The following IMPG2 variants were observed in gnomAD, a reference collection of about 807,000 sequenced individuals.
IMPG2 encodes the protein interphotoreceptor matrix proteoglycan 2.
IMPG2 carries 91 observed loss-of-function variants against 129.2 expected under a neutral mutation model. The observed-to-expected ratio is 0.70, with a 90% confidence interval of 0.59 to 0.84. The LOEUF is 0.84. Among genes scored for constraint, IMPG2 ranks in the 40% least tolerant of loss-of-function variants. The pLI is 0.00. For missense variants in IMPG2, 1,430 were observed against 1,461.7 expected, an observed-to-expected ratio of 0.98 and a Z score of 0.35; for synonymous variants, 510 against 517.7, an observed-to-expected ratio of 0.99 and a Z score of 0.20.
chr3:101,302,534 G>A (rs990586194), intron 3 of IMPG2, among the ~76,000 whole-genome samples: 4 of 152,038 alleles, frequency 2.6e-5, no homozygotes, highest in Admixed American at 1.3e-4. Context: ...AACTGGGTTT[G>A]GATTTAAGCT....
chr3:101,291,569 A>G (rs558174934), intron 3 of IMPG2, 59 bp from the exon 4 acceptor site: 1 of 1,325,914 alleles, frequency 7.5e-7, no homozygotes, highest in South Asian at 1.2e-5. Context: ...AGGAGTAAAT[A>G]AAACTTATTT....
intron 9 of IMPG2, among the ~76,000 whole-genome samples, chr3:101,265,325 G>A (rs926366540): frequency 6.6e-6 from 1 of 152,100 alleles, no homozygotes; most frequent in Admixed American, 6.5e-5. Flanking sequence ...CATCAAAACA[G>A]CCTGGTACTA....
Position 101,226,150 on chromosome 3 carries a change from T to C in IMPG2, c.*819A>G, listed in dbSNP as rs1472987344. On this transcript the variant is annotated 3_prime_UTR_variant, in exon 19 of 19. Transcript: ENST00000193391. The stretch of plus-strand genomic sequence containing the variant: ...ACAAAATATATTCTCAGCACTGGGG[T>C]CTTGACCCGACACTCACTCCCTCCC... 2 of 148,942 alleles carry C rather than the reference T, an allele frequency of 1.3e-5. No homozygotes were observed. The highest frequency in any genetic ancestry group is 5.1e-5 in the African/African-American group (2 of 39,272). The allele number at this position is 148,942 out of a possible 1,614,324, so 9.2% of individuals were successfully genotyped here.
rs1376379755 is a variant in IMPG2, at chr3:101,304,187, T to C, written c.460A>G (p.Asn154Asp). ...CTATGTTCCACAGATTCACTAAAAT[T>C]TGTGCCCATTTCAAATATACTTGTG... ...GVTSIFEMGT[N>D]FSESVEHRSL... Residue 154 changes from asparagine to aspartate, a missense_variant, in exon 3 of 19, where the codon AAT (asparagine) becomes GAT (aspartate). Transcript: ENST00000193391. 1 of 1,613,760 alleles carries C rather than the reference T, an allele frequency of 6.2e-7. No homozygotes were observed. The highest frequency in any genetic ancestry group is 8.5e-7 in the Non-Finnish European group (1 of 1,179,768).
chr3:101,289,658 T>C (rs78095912), intron 4 of IMPG2, among the ~76,000 whole-genome samples: 1 of 152,034 alleles, frequency 6.6e-6, no homozygotes, highest in Non-Finnish European at 1.5e-5. Flanking sequence ...TTGCGGGTCA[T>C]GTTAATTTTG....
At position 101,243,612 on chromosome 3, in the gene IMPG2, C is replaced by T. The variant is rs758366596; in HGVS notation, c.2719G>A (p.Val907Met). 2 of 1,613,760 alleles carry T rather than the reference C, an allele frequency of 1.2e-6. No homozygotes were observed. Among genetic ancestry groups the T allele is most frequent in the African/African-American group, 2.7e-5 (2 of 74,926 alleles). The stretch of plus-strand genomic sequence containing the variant: ...TCTTCTGAAAACATCATGTTAGTCA[C>T]TCGGAGGCTGAAGAAAACCACCAAA... Reference protein sequence around the residue: ...GALVVFFSLRVTNMMFSEDLF... With the variant: ...GALVVFFSLRMTNMMFSEDLF... The change falls in exon 13 of 19, where the codon GTG becomes ATG. Residue 907 changes from valine (V) to methionine (M), a missense_variant. Transcript: ENST00000193391.
intron 7 of IMPG2, among the ~76,000 whole-genome samples, chr3:101,272,471 G>C (rs1399559745): frequency 1.3e-5 from 2 of 152,198 alleles, no homozygotes; most frequent in Non-Finnish European, 2.9e-5. Flanking sequence ...CCTTGATGAA[G>C]ATATTTTTCA....
At chr3:101,303,412 C>T (rs1176759013) in intron 3 of IMPG2, among the ~76,000 whole-genome samples, 3 of 152,070 alleles carry the variant, frequency 2.0e-5, no homozygotes, top group Non-Finnish European at 2.9e-5. Flanking sequence ...ATAATGGTAG[C>T]TAAATCTTCT....
rs1706843309 is a variant in IMPG2 at position 101,276,650 on chromosome 3, AC to A, written c.583+13del. ...AATTTTAAAAGAAAAGTGAATGAAGACACAAAAGTATACCTCCCAATGTTGA... is the reference window on the plus strand; with the variant it reads ...AATTTTAAAAGAAAAGTGAATGAAGAACAAAAGTATACCTCCCAATGTTGA... On this transcript the variant is annotated intron_variant, in intron 5 of 18. Transcript: ENST00000193391. The A allele has an allele frequency of 6.4e-7, 1 of 1,567,564 alleles. No individual in the cohort carries two copies. The highest frequency in any genetic ancestry group is 1.4e-5 in the African/African-American group (1 of 73,956).
At chr3:101,285,536 T>C (rs758021624) in intron 4 of IMPG2, among the ~76,000 whole-genome samples, 13 of 152,214 alleles carry the variant, frequency 8.5e-5, no homozygotes, top group Non-Finnish European at 1.6e-4. Flanking sequence ...ATCTCTCCTG[T>C]CTACAGCTCT....
chr3:101,295,121 T>G (rs1707065397), intron 3 of IMPG2, among the ~76,000 whole-genome samples: 1 of 152,242 alleles, frequency 6.6e-6, no homozygotes, highest in Non-Finnish European at 1.5e-5. Flanking sequence ...TTGCTGCTAT[T>G]GCTTTTAGCA....
intron 18 of IMPG2, among the ~76,000 whole-genome samples, chr3:101,227,462 A>C (rs756315306): frequency 3.9e-5 from 6 of 152,212 alleles, no homozygotes; most frequent in Non-Finnish European, 5.9e-5. Flanking sequence ...GCCTATTCCT[A>C]TAAGGCTCTC....
At chr3:101,272,311 T>C (rs568804765) in intron 7 of IMPG2, among the ~76,000 whole-genome samples, 1 of 152,270 alleles carries the variant, frequency 6.6e-6, no homozygotes, top group East Asian at 1.9e-4. Flanking sequence ...CTGCCTCTGC[T>C]GTTTCATGCA....
chr3:101,315,908 G>GCTATAAT lies in IMPG2; in HGVS notation c.334+3675_334+3676insATTATAG, dbSNP rs1194395355. 7.1e-3 allele frequency among the ~76,000 whole-genome samples: 1,079 copies of GCTATAAT among 151,860 alleles called. 11 individuals carry two copies. Among genetic ancestry groups the GCTATAAT allele is most frequent in the African/African-American group, 0.025 (1,025 of 41,434 alleles). On this transcript the variant is annotated intron_variant, in intron 2 of 18. Coordinates refer to ENST00000193391, the MANE Select transcript of IMPG2 (RefSeq NM_016247.4). ...CTATAATAAAGCTTACAGTAAATAA[G>GCTATAAT]ACACTATGGTATTGGCATAAAAATA...
intron 14 of IMPG2, among the ~76,000 whole-genome samples, chr3:101,234,703 G>GAGTGTCTAT (rs1458721357): frequency 1.3e-5 from 2 of 152,188 alleles, no homozygotes; most frequent in Non-Finnish European, 1.5e-5. Context: ...ACCCAGCAGT[G>GAGTGTCTAT]AGGGATAGGA....
intron 11 of IMPG2, among the ~76,000 whole-genome samples, chr3:101,251,271 TTA>T (rs934182792): frequency 1.7e-4 from 26 of 152,090 alleles, no homozygotes; most frequent in Admixed American, 1.7e-3. Context: ...TTCATAAAAA[TTA>T]AAAGTAAAAC....
chr3:101,269,118 A>C (rs1420653513), intron 8 of IMPG2, among the ~76,000 whole-genome samples: 1 of 152,218 alleles, frequency 6.6e-6, no homozygotes, highest in Non-Finnish European at 1.5e-5. Context: ...AACAAGGACT[A>C]ATGCATCCCT....
intron 3 of IMPG2, among the ~76,000 whole-genome samples, chr3:101,293,333 A>G (rs892708620): frequency 6.6e-6 from 1 of 152,150 alleles, no homozygotes; most frequent in African/African-American, 2.4e-5. Context: ...CTCCTTGTAC[A>G]TCCCCATCAG....
intron 18 of IMPG2, chr3:101,227,676 C>T: frequency 5.0e-6 from 2 of 397,378 alleles, no homozygotes; most frequent in South Asian, 3.6e-5. Context: ...AAGGCAGACG[C>T]CTGGTGATAT....
Sources: allele counts gnomAD v4.1 joint callset (sites outside exome capture counted in the v4.1 genomes callset), GRCh38; gene constraint gnomAD v4.1.1; transcripts MANE v1.5; gene names NCBI Gene and HGNC (gene_info 2026-07-23, HGNC 2026-07-21).